Variants in KCNH5 observed in about 807,000 individuals in gnomAD.
KCNH5 encodes the protein voltage-gated delayed rectifier potassium channel KCNH5.
Under a neutral mutation model 96.1 loss-of-function variants are expected in KCNH5, and 46 were observed. The observed-to-expected ratio is 0.48, with a 90% confidence interval of 0.38 to 0.61. The LOEUF (loss-of-function observed/expected upper bound fraction) is 0.61, where lower values mean the gene tolerates loss of function less well. Ranked by LOEUF, KCNH5 falls within the 20% of genes least tolerant of loss-of-function variation. The pLI, the probability that KCNH5 is intolerant of heterozygous loss-of-function variation, is 0.00. For synonymous variants in KCNH5, 439 were observed against 449.8 expected (o/e 0.98, Z 0.30); for missense variants, 907 against 1,225.8 (o/e 0.74, Z 3.88).
intron 1 of KCNH5, among the ~76,000 whole-genome samples, chr14:63,029,999 C>T (rs1891596429): frequency 6.6e-6 from 1 of 152,076 alleles, no homozygotes; most frequent in South Asian, 2.1e-4. Context: ...AAATGAGTTA[C>T]AAATCTAGAA....
At chr14:62,733,752 C>T (rs1475038153) in intron 10 of KCNH5, among the ~76,000 whole-genome samples, 4 of 152,190 alleles carry the variant, frequency 2.6e-5, no homozygotes, top group African/African-American at 4.8e-5. Context: ...CACTATTGGC[C>T]ACTTTACTCT....
At chr14:62,939,575 T>G (rs1337802497) in intron 7 of KCNH5, among the ~76,000 whole-genome samples, 2 of 152,186 alleles carry the variant, frequency 1.3e-5, no homozygotes, top group Non-Finnish European at 2.9e-5. Flanking sequence ...AATCTACAAG[T>G]GCTTTTGAAC....
At chr14:62,883,538 C>A (rs1365287332) in intron 7 of KCNH5, among the ~76,000 whole-genome samples, 1 of 151,866 alleles carries the variant, frequency 6.6e-6, no homozygotes, top group Non-Finnish European at 1.5e-5. Context: ...TAATACTAGA[C>A]TTATAAATGG....
chr14:62,971,791 T>A (rs1407578715), intron 6 of KCNH5, among the ~76,000 whole-genome samples: 2 of 151,828 alleles, frequency 1.3e-5, no homozygotes, highest in Admixed American at 6.6e-5. Flanking sequence ...ATGAAACAAC[T>A]GGATAGCCAA....
chr14:62,862,786 T>A (rs1382622596), intron 7 of KCNH5, among the ~76,000 whole-genome samples: 1 of 152,138 alleles, frequency 6.6e-6, no homozygotes, highest in Non-Finnish European at 1.5e-5. Flanking sequence ...AGCTCCCAAC[T>A]AATGCATCAG....
At chr14:62,836,473 C>T (rs948555521) in intron 8 of KCNH5, among the ~76,000 whole-genome samples, 1 of 152,030 alleles carries the variant, frequency 6.6e-6, no homozygotes, top group African/African-American at 2.4e-5. Context: ...TATTATTTGG[C>T]TTCAGAGTAC....
At chr14:62,853,494 A>ATATATG (rs375695583) in intron 7 of KCNH5, among the ~76,000 whole-genome samples, 12 of 102,122 alleles carry the variant, frequency 1.2e-4, no homozygotes, top group South Asian at 4.4e-4. Flanking sequence ...ATATATATAT[A>ATATATG]ATCTTGGCCA....
At chr14:62,842,810 G>C (rs1216925295) in intron 8 of KCNH5, among the ~76,000 whole-genome samples, 2 of 152,034 alleles carry the variant, frequency 1.3e-5, no homozygotes, top group Non-Finnish European at 2.9e-5. Context: ...CTAATAAAAA[G>C]TTGTTGGAAA....
In KCNH5 at chr14:63,011,514, G is replaced by A. The variant is rs985488991; in HGVS notation, c.198-5042C>T. 4.0e-5 allele frequency among the ~76,000 whole-genome samples: 6 copies of A among 151,704 alleles called. No homozygotes were observed. In the East Asian group the frequency reaches 7.7e-4, roughly 20 times the overall value. On this transcript the variant is annotated intron_variant, in intron 2 of 10. Coordinates refer to ENST00000322893, the MANE Select transcript of KCNH5 (RefSeq NM_139318.5). ...AAAAGAAATACAGTTTTCAAAATCT[G>A]AAAGAGGTAATTTTGGAATAAATCA... is the stretch of plus-strand genomic sequence containing the variant.
At chr14:62,928,241 G>A (rs1889512238) in intron 7 of KCNH5, among the ~76,000 whole-genome samples, 1 of 152,062 alleles carries the variant, frequency 6.6e-6, no homozygotes, top group Non-Finnish European at 1.5e-5. Context: ...CTCATTTCTT[G>A]CTTAATAGAG....
chr14:63,019,988 C>A (rs535624788), intron 1 of KCNH5, among the ~76,000 whole-genome samples: 1 of 152,088 alleles, frequency 6.6e-6, no homozygotes, highest in South Asian at 2.1e-4. Flanking sequence ...GAACAAACAA[C>A]CCAAGTATCA....
At chr14:63,032,392 C>A (rs1256336976) in intron 1 of KCNH5, among the ~76,000 whole-genome samples, 4 of 152,118 alleles carry the variant, frequency 2.6e-5, no homozygotes, top group African/African-American at 7.2e-5. Context: ...TGCAGGCAGT[C>A]GCAGCTTCAA....
At chr14:62,749,168 TAA>T (rs1295729108) in intron 10 of KCNH5, among the ~76,000 whole-genome samples, 2 of 152,310 alleles carry the variant, frequency 1.3e-5, no homozygotes, top group East Asian at 3.9e-4. Context: ...ACTCAGTAAA[TAA>T]GTTACTCTCT....
intron 8 of KCNH5, among the ~76,000 whole-genome samples, chr14:62,825,888 G>A (rs1045421538): frequency 2.6e-5 from 4 of 151,740 alleles, no homozygotes; most frequent in African/African-American, 9.7e-5. Flanking sequence ...GAGAGAACAT[G>A]CTTTCATTTG....
At chr14:62,878,127 T>C (rs1042419437) in intron 7 of KCNH5, among the ~76,000 whole-genome samples, 7 of 138,494 alleles carry the variant, frequency 5.1e-5, no homozygotes, top group East Asian at 2.1e-4. Context: ...TTCTCACTCA[T>C]AGGTGGGAAT....
At chr14:62,939,764 A>G (rs971058283) in intron 7 of KCNH5, among the ~76,000 whole-genome samples, 20 of 152,120 alleles carry the variant, frequency 1.3e-4, no homozygotes, top group Non-Finnish European at 1.8e-4. Context: ...ACGTGGTGAA[A>G]CCCCCAACTC....
At chr14:62,864,766 A>T (rs1888101280) in intron 7 of KCNH5, among the ~76,000 whole-genome samples, 1 of 152,216 alleles carries the variant, frequency 6.6e-6, no homozygotes, top group South Asian at 2.1e-4. Context: ...AAAAGCTCTG[A>T]GAGGCTTTGC....
intron 8 of KCNH5, among the ~76,000 whole-genome samples, chr14:62,809,260 T>C (rs1200155824): frequency 6.6e-6 from 1 of 152,142 alleles, no homozygotes; most frequent in African/African-American, 2.4e-5. Flanking sequence ...GGCAATATAG[T>C]TATTTGCTTA....
At chr14:62,738,613 T>C (rs549323738) in intron 10 of KCNH5, among the ~76,000 whole-genome samples, 2 of 152,282 alleles carry the variant, frequency 1.3e-5, no homozygotes, top group South Asian at 4.1e-4. Context: ...CCATGGATAA[T>C]ATGTAGTTTG....
Sources: allele counts gnomAD v4.1 joint callset (sites outside exome capture counted in the v4.1 genomes callset), GRCh38; gene constraint gnomAD v4.1.1; transcripts MANE v1.5; gene names NCBI Gene and HGNC (gene_info 2026-07-23, HGNC 2026-07-21).